The following GOLGA6B variants were observed in gnomAD, a reference collection of about 807,000 sequenced individuals.
GOLGA6B encodes the protein golgin subfamily A member 6B.
Under a neutral mutation model 63.0 loss-of-function variants are expected in GOLGA6B, and 11 were observed. The observed-to-expected ratio is 0.17, with a 90% CI of 0.11 to 0.29. The LOEUF is 0.29. GOLGA6B is among the 10% of genes least tolerant of loss of function. The pLI is 1.00. For synonymous variants in GOLGA6B, 46 were observed against 232.6 expected, an observed-to-expected ratio of 0.20 and a Z score of 7.30; for missense variants, 134 against 563.8, an observed-to-expected ratio of 0.24 and a Z score of 7.72.
In GOLGA6B at chr15:72,662,317, A is replaced by C; in HGVS notation, c.913A>C (p.Lys305Gln). Reference protein sequence around the residue: ...SVVEQLQDEAKHLRQEVEGLE... With the variant: ...SVVEQLQDEAQHLRQEVEGLE... ...GGTGGAACAGCTACAAGATGAGGCCAAACACCTGAGGCAGGAGGTGGAAGG... is the reference window on the plus strand; with the variant it reads ...GGTGGAACAGCTACAAGATGAGGCCCAACACCTGAGGCAGGAGGTGGAAGG... The change falls in exon 11 of 18, where the codon AAA becomes CAA. Residue 305 changes from lysine to glutamine, a missense_variant. Coordinates refer to ENST00000421285, the MANE Select transcript of GOLGA6B (RefSeq NM_018652.5). The C allele has an allele frequency of 7.9e-6, 11 of 1,390,898 alleles. 2 individuals carry two copies. Among genetic ancestry groups the C allele is most frequent in the Non-Finnish European group, 1.1e-5 (11 of 1,025,638 alleles). The allele number at this position is 1,390,898 out of a possible 1,614,324, so 86.2% of individuals were successfully genotyped here.
chr15:72,660,576 G>C (rs2064590614), intron 7 of GOLGA6B, among the ~76,000 whole-genome samples: 1 of 103,064 alleles, frequency 9.7e-6, no homozygotes, highest in Non-Finnish European at 2.0e-5. Context: ...TCTGTAGAGA[G>C]AGGAAAGGGG....
Position 72,666,902 on chromosome 15 carries a change from ACT to A in GOLGA6B, c.*561_*562del, listed in dbSNP as rs1473380118. On this transcript the variant is annotated 3_prime_UTR_variant, in exon 18 of 18. Transcript: ENST00000421285. Reference sequence around the variant, plus strand: ...ATATGTGGTTTGCCCTCAATTGAGCACTGTTTATTACTTTGTAATATGCCACT... The same window carrying A: ...ATATGTGGTTTGCCCTCAATTGAGCAGTTTATTACTTTGTAATATGCCACT... Among the ~76,000 whole-genome samples the A allele has an allele frequency of 6.8e-6, 1 of 147,774 alleles. No individual in the cohort carries two copies. Among genetic ancestry groups the A allele is most frequent in the Non-Finnish European group, 1.5e-5 (1 of 67,128 alleles).
At chr15:72,657,617 T>C (rs1238596065) in intron 2 of GOLGA6B, among the ~76,000 whole-genome samples, 1 of 45,020 alleles carries the variant, frequency 2.2e-5, no homozygotes, top group Non-Finnish European at 4.0e-5. Flanking sequence ...CAGGACATTC[T>C]GAAGGTGCGG....
At chr15:72,657,273 G>T (rs2064580457) in intron 2 of GOLGA6B, among the ~76,000 whole-genome samples, 1 of 84,914 alleles carries the variant, frequency 1.2e-5, no homozygotes, top group Non-Finnish European at 2.3e-5. Context: ...GGAGGTGGAG[G>T]TCTGGAGCTC....
At position 72,662,331 on chromosome 15, in the gene GOLGA6B, G is replaced by A. The variant is rs2064603619; in HGVS notation, c.927G>A (p.Gln309=). ...QLQDEAKHLR[Q]EVEGLEGKLQ... The stretch of plus-strand genomic sequence containing the variant: ...AAGATGAGGCCAAACACCTGAGGCA[G>A]GAGGTGGAAGGTCTGGAGGGAAAGC... The change falls in exon 11 of 18, where the codon CAG becomes CAA. Residue 309 remains glutamine, a synonymous_variant. Coordinates refer to ENST00000421285, the MANE Select transcript of GOLGA6B (RefSeq NM_018652.5). 1 of 1,390,910 alleles carries A rather than the reference G, an allele frequency of 7.2e-7. No homozygotes were observed. The highest frequency in any genetic ancestry group is 1.5e-5 in the African/African-American group (1 of 66,964). The allele number at this position is 1,390,910 out of a possible 1,614,324, so 86.2% of individuals were successfully genotyped here. A position where few individuals can be genotyped will look rare whatever the true frequency, so the allele number is the denominator to read the frequency against.
intron 7 of GOLGA6B, among the ~76,000 whole-genome samples, chr15:72,660,936 C>A (rs1412227449): frequency 6.7e-6 from 1 of 149,646 alleles, no homozygotes; most frequent in African/African-American, 2.5e-5. Context: ...ATCCTAGTAA[C>A]TGTCTCATAT....
rs1204358604 is a variant in GOLGA6B, at chr15:72,669,319, G to A, written c.*2977G>A. Among the ~76,000 whole-genome samples the A allele has an allele frequency of 2.6e-5, 4 of 152,150 alleles. No homozygotes were observed. Among genetic ancestry groups the A allele is most frequent in the African/African-American group, 9.7e-5 (4 of 41,424 alleles). On this transcript the variant is annotated 3_prime_UTR_variant, in exon 18 of 18. Transcript: ENST00000421285. ...TAAAAGAATATAACTATTCATAAGT[G>A]TAACTGCTATCTTAATGTTTTGAAA...
rs1462322107 is a variant in GOLGA6B at position 72,669,177 on chromosome 15, C to G, written c.*2835C>G. ...GTATTTGTTTAACCTGATGGGTTTT[C>G]CAGAAATGAAAACAAGTCAGTTCTA... On this transcript the variant is annotated 3_prime_UTR_variant, in exon 18 of 18. Coordinates refer to ENST00000421285, the MANE Select transcript of GOLGA6B (RefSeq NM_018652.5). Among the ~76,000 whole-genome samples, 1 of 152,086 alleles carries G rather than the reference C, an allele frequency of 6.6e-6. No individual in the cohort carries two copies. The highest frequency in any genetic ancestry group is 6.5e-5 in the Admixed American group (1 of 15,278).
rs745391059 is a variant in GOLGA6B, at chr15:72,664,522, C to T, written c.1501+11C>T. The T allele has an allele frequency of 2.6e-4, 344 of 1,346,080 alleles. 48 individuals are homozygous for T. The highest frequency in any genetic ancestry group is 1.2e-3 in the South Asian group (83 of 70,246). 83.4% of individuals were successfully genotyped at this position (1,346,080 alleles called of 1,614,324 possible). A position where few individuals can be genotyped will look rare whatever the true frequency, so the allele number is the denominator to read the frequency against. ...CTCTCCCGGGAGAAGGTACAGGAGACCACTCAGAGGAAGAGGAGAGAGCCC... is the reference window on the plus strand; with the variant it reads ...CTCTCCCGGGAGAAGGTACAGGAGATCACTCAGAGGAAGAGGAGAGAGCCC... On this transcript the variant is annotated intron_variant, in intron 13 of 17. Transcript: ENST00000421285.
chr15:72,661,232 C>T, intron 7 of GOLGA6B, 32 bp from the exon 8 acceptor site: 2 of 1,612,252 alleles, frequency 1.2e-6, no homozygotes, highest in Non-Finnish European at 1.7e-6. Context: ...CTGAGCTCCC[C>T]AGATCAAAAC....
intron 10 of GOLGA6B, 122 bp from the exon 11 acceptor site, chr15:72,662,130 T>G (rs2064601297): frequency 9.2e-7 from 1 of 1,084,496 alleles, no homozygotes; most frequent in Non-Finnish European, 1.2e-6. Flanking sequence ...TGAGGCCAAG[T>G]TTGGGAAGCC....
At position 72,662,364 on chromosome 15, in the gene GOLGA6B, C is replaced by A. The variant is rs766757206; in HGVS notation, c.960C>A (p.Ser320=). The change falls in exon 11 of 18, where the codon TCC becomes TCA. Residue 320 remains serine (S), a synonymous_variant. Transcript: ENST00000421285. The stretch of plus-strand genomic sequence containing the variant: ...AAGGTCTGGAGGGAAAGCTCCAATC[C>A]CAGGTGGAAAACAATCAGGCCTTGA... ...EVEGLEGKLQ[S]QVENNQALSL... 3 of 1,390,296 alleles carry A rather than the reference C, an allele frequency of 2.2e-6. No homozygotes were observed. The highest frequency in any genetic ancestry group is 2.9e-6 in the Non-Finnish European group (3 of 1,025,180). 86.1% of individuals were successfully genotyped at this position (1,390,296 alleles called of 1,614,324 possible). A position where few individuals can be genotyped will look rare whatever the true frequency, so the allele number is the denominator to read the frequency against.
intron 12 of GOLGA6B, among the ~76,000 whole-genome samples, chr15:72,663,667 C>T (rs1378513401): frequency 7.9e-6 from 1 of 126,728 alleles, no homozygotes; most frequent in African/African-American, 2.8e-5. Flanking sequence ...CACAGAGTGA[C>T]ACTGTCTCAA....
At position 72,669,118 on chromosome 15, in the gene GOLGA6B, T is replaced by G. The variant is rs1481242283; in HGVS notation, c.*2776T>G. Among the ~76,000 whole-genome samples, 7 of 151,634 alleles carry G rather than the reference T, an allele frequency of 4.6e-5. No individual in the cohort carries two copies. Among genetic ancestry groups the G allele is most frequent in the South Asian group, 4.2e-4 (2 of 4,792 alleles). The stretch of plus-strand genomic sequence containing the variant: ...TGTAGGAAGTAAAGAATTAAAAATC[T>G]ATTTAAAGATTGCAATATATAATCA... On this transcript the variant is annotated 3_prime_UTR_variant, in exon 18 of 18. Coordinates refer to ENST00000421285, the MANE Select transcript of GOLGA6B (RefSeq NM_018652.5).
chr15:72,660,548 C>T, intron 7 of GOLGA6B, among the ~76,000 whole-genome samples: 1 of 77,448 alleles, frequency 1.3e-5, no homozygotes, highest in Non-Finnish European at 2.6e-5. Flanking sequence ...AGAAGAGCAC[C>T]TTTAGTATGT....
In GOLGA6B at chr15:72,664,147, G is replaced by T. The variant is rs1165336528; in HGVS notation, c.1426-289G>T. On this transcript the variant is annotated intron_variant, in intron 12 of 17. Transcript: ENST00000421285. ...TGCAGGTGGAGCTGAAGAGCCAAGG[G>T]TCTCAGAGTCTGCAGCAGCAGCGAG... Among the ~76,000 whole-genome samples the T allele has an allele frequency of 1.5e-5, 2 of 130,616 alleles. 1 individual carries two copies. The highest frequency in any genetic ancestry group is 5.6e-4 in the South Asian group (2 of 3,554). The allele number at this position is 130,616 out of a possible 152,430, so 85.7% of individuals were successfully genotyped here.
At chr15:72,657,385 C>T (rs1214093209) in intron 2 of GOLGA6B, among the ~76,000 whole-genome samples, 10 of 150,840 alleles carry the variant, frequency 6.6e-5, no homozygotes, top group African/African-American at 1.2e-4. Context: ...CTGCGTCACT[C>T]GGGGGACTTT....
rs375760736 is a variant in GOLGA6B, at chr15:72,664,995, C to T, written c.1553C>T (p.Thr518Met). ...GAGGAGGAGGAGGCGCCTCGGCCCA[C>T]GCCAAACATCCCAGAGGACCTGGAG... ...DSEEEEAPRP[T>M]PNIPEDLESR... Residue 518 changes from threonine (T) to methionine (M), a missense_variant, in exon 14 of 18, where the codon ACG becomes ATG. Transcript: ENST00000421285. 241 of 864,974 alleles carry T rather than the reference C, an allele frequency of 2.8e-4. 3 individuals carry two copies. The highest frequency in any genetic ancestry group is 2.1e-3 in the East Asian group (73 of 34,782). 53.6% of individuals were successfully genotyped at this position (864,974 alleles called of 1,614,324 possible).
Position 72,662,335 on chromosome 15 carries a change from G to T in GOLGA6B, c.931G>T (p.Val311Leu), listed in dbSNP as rs756969083. ...QDEAKHLRQE[V>L]EGLEGKLQSQ... is the part of the protein sequence containing the mutation. ...TGAGGCCAAACACCTGAGGCAGGAG[G>T]TGGAAGGTCTGGAGGGAAAGCTCCA... Residue 311 changes from valine (V) to leucine (L), a missense_variant, in exon 11 of 18, where the codon GTG (valine) becomes TTG (leucine). Transcript: ENST00000421285. The T allele has an allele frequency of 1.4e-5, 20 of 1,391,150 alleles. 5 individuals are homozygous for T. The East Asian group carries it at 4.4e-4, about 31-fold the overall frequency. 86.2% of individuals were successfully genotyped at this position (1,391,150 alleles called of 1,614,324 possible).
Sources: allele counts gnomAD v4.1 joint callset (sites outside exome capture counted in the v4.1 genomes callset), GRCh38; gene constraint gnomAD v4.1.1; transcripts MANE v1.5; gene names NCBI Gene and HGNC (gene_info 2026-07-23, HGNC 2026-07-21).